The following TXNDC12 variants were observed in gnomAD, a reference collection of about 807,000 sequenced individuals.
TXNDC12 encodes thioredoxin domain-containing protein 12.
Under a neutral mutation model 24.2 loss-of-function variants are expected in TXNDC12, and 22 were observed. The ratio of observed to expected loss-of-function variants is 0.91; its 90% CI spans 0.65 to 1.30. The LOEUF (loss-of-function observed/expected upper bound fraction) is 1.30, where lower values mean the gene tolerates loss of function less well. Ranked by LOEUF, TXNDC12 falls within the 50% of genes most tolerant of loss-of-function variation. The pLI is 0.00. For missense variants in TXNDC12, 184 were observed against 205.8 expected (o/e 0.89, Z 0.65); for synonymous variants, 58 against 73.4 (o/e 0.79, Z 1.07).
chr1:52,036,343 G>C (rs183924877), intron 2 of TXNDC12, among the ~76,000 whole-genome samples: 1 of 152,138 alleles, frequency 6.6e-6, no homozygotes, highest in Admixed American at 6.5e-5. Context: ...CAAAAAAGAA[G>C]AAAAAGAAAA....
chr1:52,033,787 C>A lies in TXNDC12; in HGVS notation c.159-5157G>T, dbSNP rs114190370. 2.1e-3 allele frequency: 3,170 copies of A among 1,540,616 alleles called. 73 individuals carry two copies. In the African/African-American group the frequency reaches 0.039, roughly 19 times the overall value. ...CCTCTCAGGGAGCGACCATTGGCAA[C>A]CGCGCTGCGCCAACTTCCGGGTTGT... On this transcript the variant is annotated intron_variant, in intron 2 of 6. Coordinates refer to ENST00000371626, the MANE Select transcript of TXNDC12 (RefSeq NM_015913.4).
intron 1 of TXNDC12, chr1:52,051,876 A>C (rs942555595): frequency 5.9e-6 from 1 of 169,322 alleles, no homozygotes; most frequent in African/African-American, 2.4e-5. Context: ...AGGTAGGGTA[A>C]GTGGGGTATA....
intron 2 of TXNDC12, among the ~76,000 whole-genome samples, chr1:52,031,569 T>C (rs904182005): frequency 2.6e-5 from 4 of 151,850 alleles, no homozygotes; most frequent in Admixed American, 6.6e-5. Flanking sequence ...CTCAGCTCAC[T>C]GCAACCTCCA....
At position 52,023,569 on chromosome 1, in the gene TXNDC12, T is replaced by A. The variant is rs1369814688; in HGVS notation, c.361A>T (p.Ser121Cys). 1 of 1,613,382 alleles carries A rather than the reference T, an allele frequency of 6.2e-7. No homozygotes were observed. The highest frequency in any genetic ancestry group is 8.5e-7 in the Non-Finnish European group (1 of 1,179,388). ...ATGATTTCAGGATGCACCTTGCCACTGGGATCTGTTATAGACAAAATGACA... is the reference window on the plus strand; with the variant it reads ...ATGATTTCAGGATGCACCTTGCCACAGGGATCTGTTATAGACAAAATGACA... Reference protein sequence around the residue: ...YIPRILFLDPSGKVHPEIINE... With the variant: ...YIPRILFLDPCGKVHPEIINE... Residue 121 changes from serine to cysteine, a missense_variant, in exon 6 of 7, where the codon AGT becomes TGT. Coordinates refer to ENST00000371626, the MANE Select transcript of TXNDC12 (RefSeq NM_015913.4).
chr1:52,041,953 T>C (rs1044856925), intron 1 of TXNDC12, among the ~76,000 whole-genome samples: 30 of 152,230 alleles, frequency 2.0e-4, no homozygotes, highest in Non-Finnish European at 1.0e-4. Context: ...TCATAACCAA[T>C]TGAAGGTGAT....
chr1:52,054,842 G>A (rs780907864), intron 1 of TXNDC12, among the ~76,000 whole-genome samples, 158 bp downstream of exon 1: 1 of 152,174 alleles, frequency 6.6e-6, no homozygotes, highest in African/African-American at 2.4e-5. Flanking sequence ...TCTACCCCAA[G>A]AAATCTTCAA....
At chr1:52,021,398 C>T (rs879571079) in intron 6 of TXNDC12, among the ~76,000 whole-genome samples, 10 of 151,568 alleles carry the variant, frequency 6.6e-5, no homozygotes, top group Non-Finnish European at 1.5e-4. Flanking sequence ...ACCTTCCTAC[C>T]GTCCCCATTG....
intron 6 of TXNDC12, 143 bp downstream of exon 6, chr1:52,023,348 T>G (rs1685628425): frequency 1.6e-6 from 1 of 628,220 alleles, no homozygotes; most frequent in Admixed American, 2.7e-5. Flanking sequence ...TCCTATATCC[T>G]ACACAGGATC....
chr1:52,027,496 C>T, intron 3 of TXNDC12, 148 bp from the exon 4 acceptor site: 1 of 600,770 alleles, frequency 1.7e-6, no homozygotes, highest in Non-Finnish European at 2.9e-6. Flanking sequence ...CTCTAAAAAA[C>T]AAGAATTAGG....
chr1:52,027,724 ATG>A (rs1055641035), intron 3 of TXNDC12, among the ~76,000 whole-genome samples: 2 of 150,476 alleles, frequency 1.3e-5, no homozygotes, highest in African/African-American at 2.4e-5. Context: ...ACATATATGT[ATG>A]TGTGTATATA....
At chr1:52,052,489 C>T (rs1389441238) in intron 1 of TXNDC12, 2 of 169,544 alleles carry the variant, frequency 1.2e-5, no homozygotes, top group African/African-American at 2.4e-5. Flanking sequence ...TCTTATGGCA[C>T]GCACTCTTGG....
At chr1:52,035,940 GTTATTTTAGTAAAC>G (rs1360556043) in intron 2 of TXNDC12, among the ~76,000 whole-genome samples, 5 of 152,154 alleles carry the variant, frequency 3.3e-5, no homozygotes, top group African/African-American at 9.7e-5. Flanking sequence ...TCTTGGGCAA[GTTATTTTAGTAAAC>G]TTAGAAAAAA....
At chr1:52,024,126 C>T (rs79479329) in intron 5 of TXNDC12, among the ~76,000 whole-genome samples, 1 of 151,966 alleles carries the variant, frequency 6.6e-6, no homozygotes, top group African/African-American at 2.4e-5. Flanking sequence ...TCCTAAATAG[C>T]TGAGACTACA....
At chr1:52,036,059 T>C (rs887125384) in intron 2 of TXNDC12, among the ~76,000 whole-genome samples, 1 of 152,160 alleles carries the variant, frequency 6.6e-6, no homozygotes, top group African/African-American at 2.4e-5. Flanking sequence ...TTTGCATAAT[T>C]TAATGCCTAA....
At chr1:52,028,554 T>A in intron 3 of TXNDC12, 24 bp downstream of exon 3, 1 of 1,600,382 alleles carries the variant, frequency 6.2e-7, no homozygotes, top group East Asian at 2.2e-5. Flanking sequence ...GAGTTTTGAA[T>A]TTAGATTGAG....
intron 2 of TXNDC12, chr1:52,033,950 G>T (rs1685835660): frequency 9.1e-6 from 13 of 1,428,210 alleles, no homozygotes; most frequent in Non-Finnish European, 1.2e-5. Context: ...AGGAGATACA[G>T]AGACTATAAT....
At chr1:52,051,456 A>G (rs1572013033) in intron 1 of TXNDC12, among the ~76,000 whole-genome samples, 1 of 152,140 alleles carries the variant, frequency 6.6e-6, no homozygotes, top group Admixed American at 6.5e-5. Flanking sequence ...GCTCACTGCA[A>G]CCTCCGCCTC....
chr1:52,033,525 G>C, intron 2 of TXNDC12: 1 of 1,614,006 alleles, frequency 6.2e-7, no homozygotes, highest in Non-Finnish European at 8.5e-7. Context: ...AGTTAAGCGA[G>C]TCCAGGATGA....
intron 1 of TXNDC12, among the ~76,000 whole-genome samples, chr1:52,054,075 GGAAT>G (rs1686272952): frequency 6.6e-6 from 1 of 152,066 alleles, no homozygotes; most frequent in African/African-American, 2.4e-5. Flanking sequence ...AATTATTTAC[GGAAT>G]GAAGGAATGA....
Sources: allele counts gnomAD v4.1 joint callset (sites outside exome capture counted in the v4.1 genomes callset), GRCh38; gene constraint gnomAD v4.1.1; transcripts MANE v1.5; gene names NCBI Gene and HGNC (gene_info 2026-07-23, HGNC 2026-07-21).